MYOF: variants seen among roughly 807,000 people sequenced by gnomAD.
MYOF encodes the protein fer-1-like 3, myoferlin.
In MYOF, 244 loss-of-function variants were observed where a neutral mutation model predicts 284.2. That is an observed-to-expected ratio of 0.86 (90% confidence interval 0.77 to 0.95). The LOEUF (loss-of-function observed/expected upper bound fraction) is 0.95, where lower values mean the gene tolerates loss of function less well. Among genes scored for constraint, MYOF ranks in the 40% least tolerant of loss-of-function variants. MYOF has a pLI of 0.00. For synonymous variants in MYOF, 904 were observed against 919.7 expected (o/e 0.98, Z 0.31); for missense variants, 2,496 against 2,560.6 (o/e 0.97, Z 0.54).
At chr10:93,465,327 C>T (rs193090961) in intron 1 of MYOF, among the ~76,000 whole-genome samples, 9 of 152,236 alleles carry the variant, frequency 5.9e-5, no homozygotes, top group Admixed American at 3.9e-4. Flanking sequence ...CCCCCCACAA[C>T]GCTTACTACA....
At chr10:93,343,753 A>T (rs1844039566) in intron 38 of MYOF, 103 bp downstream of exon 38, 1 of 1,212,344 alleles carries the variant, frequency 8.2e-7, no homozygotes, top group Non-Finnish European at 1.2e-6. Flanking sequence ...GCTGATGATT[A>T]TAATTGCAAC....
intron 1 of MYOF, among the ~76,000 whole-genome samples, chr10:93,479,288 G>A (rs540745477): frequency 1.2e-4 from 18 of 152,046 alleles, no homozygotes; most frequent in Admixed American, 1.1e-3. Context: ...CTACAGGCAT[G>A]GTAGGGCTTT....
At chr10:93,435,989 T>C (rs1849102124) in intron 3 of MYOF, among the ~76,000 whole-genome samples, 1 of 151,756 alleles carries the variant, frequency 6.6e-6, no homozygotes, top group South Asian at 2.1e-4. Flanking sequence ...AAAAATCTCC[T>C]AGAACATGTT....
intron 27 of MYOF, 104 bp downstream of exon 27, chr10:93,363,857 G>C (rs1589446014): frequency 1.2e-6 from 1 of 829,334 alleles, no homozygotes; most frequent in East Asian, 2.6e-5. Flanking sequence ...ACATAAGATG[G>C]AGCGGAGGAG....
chr10:93,454,634 T>C (rs4919138), intron 2 of MYOF, among the ~76,000 whole-genome samples: 28,309 of 152,064 alleles, frequency 0.19, 3,101 homozygotes, highest in Middle Eastern at 0.28. Context: ...AAATTACAGA[T>C]AAGTGGAATT....
intron 2 of MYOF, among the ~76,000 whole-genome samples, chr10:93,456,546 T>C (rs1207309617): frequency 1.3e-5 from 2 of 152,158 alleles, no homozygotes; most frequent in African/African-American, 2.4e-5. Flanking sequence ...CTGGAGATGA[T>C]CTAATCCCAC....
At position 93,353,872 on chromosome 10, in the gene MYOF, A is replaced by T; in HGVS notation, c.3420T>A (p.His1140Gln). 1 of 1,609,928 alleles carries T rather than the reference A, an allele frequency of 6.2e-7. No individual in the cohort carries two copies. Among genetic ancestry groups the T allele is most frequent in the Non-Finnish European group, 8.5e-7 (1 of 1,177,166 alleles). The change falls in exon 32 of 54, where the codon CAT becomes CAA. Residue 1140 changes from histidine to glutamine, a missense_variant. Transcript: ENST00000359263. The part of the protein sequence containing the change: ...SCNFDRVYIY[H>Q]LRCYVYQARN... ...TGGCTTGATAGACATAGCAGCGCAG[A>T]TGGTAGATGTAGACTCCTAAAAAAA...
At chr10:93,311,113 C>T (rs943273580) in intron 51 of MYOF, among the ~76,000 whole-genome samples, 1 of 152,204 alleles carries the variant, frequency 6.6e-6, no homozygotes, top group Admixed American at 6.5e-5. Flanking sequence ...ACTCCATGTA[C>T]ACTAGCTCAA....
intron 19 of MYOF, among the ~76,000 whole-genome samples, chr10:93,382,396 C>T (rs965626656): frequency 1.3e-5 from 2 of 152,040 alleles, no homozygotes; most frequent in African/African-American, 4.8e-5. Flanking sequence ...CTGCACCCAG[C>T]TAAACTATTG....
intron 17 of MYOF, among the ~76,000 whole-genome samples, chr10:93,392,240 A>T (rs113712173): frequency 0.017 from 2,621 of 152,290 alleles, 86 homozygotes; most frequent in African/African-American, 0.059. Flanking sequence ...AAGCTTTCCC[A>T]CATGCAATAT....
chr10:93,392,922 T>C lies in MYOF; in HGVS notation c.1451A>G (p.Tyr484Cys). ...CAAAATTACGAAGCATAAACCTGTA[T>C]ATGATGCAGCCCCAGTTCCCGAAGA... ...FSSSGTGAASYTVNTGETEVG... is the reference protein window; with the variant it reads ...FSSSGTGAASCTVNTGETEVG... The change falls in exon 17 of 54, where the codon TAT (tyrosine) becomes TGT (cysteine). Residue 484 changes from tyrosine to cysteine, a missense_variant. Around this residue, in one of 3 missense-constraint regions of MYOF, gnomAD observed 2,436 missense variants for 2,480.7 expected, o/e 0.98. Transcript: ENST00000359263. The C allele has an allele frequency of 6.2e-7, 1 of 1,612,146 alleles. No homozygotes were observed. The highest frequency in any genetic ancestry group is 8.5e-7 in the Non-Finnish European group (1 of 1,178,304).
intron 10 of MYOF, 135 bp from the exon 11 acceptor site, chr10:93,402,482 CCACT>C (rs1179471364): frequency 2.4e-5 from 17 of 697,544 alleles, no homozygotes; most frequent in Non-Finnish European, 4.0e-5. Context: ...AGATGAGTGT[CCACT>C]TTCACGTCTT....
Position 93,355,732 on chromosome 10 carries a change from G to C in MYOF, c.3299C>G (p.Ala1100Gly). 1 of 1,611,362 alleles carries C rather than the reference G, an allele frequency of 6.2e-7. No homozygotes were observed. Among genetic ancestry groups the C allele is most frequent in the Non-Finnish European group, 8.5e-7 (1 of 1,178,192 alleles). Residue 1100 changes from alanine to glycine, a missense_variant, in exon 31 of 54, where the codon GCA becomes GGA. Around this residue, in one of 3 missense-constraint regions of MYOF, gnomAD observed 2,436 missense variants for 2,480.7 expected, o/e 0.98. Coordinates refer to ENST00000359263, the MANE Select transcript of MYOF (RefSeq NM_013451.4). The part of the protein sequence containing the change: ...AIFKLEGALG[A>G]DTTEDGDEKS... ...CTCATCCCCATCTTCGGTAGTGTCT[G>C]CCCCCTGAAGTCAATTAACAGAGTC...
At chr10:93,429,431 T>C (rs903527478) in intron 4 of MYOF, among the ~76,000 whole-genome samples, 1 of 152,182 alleles carries the variant, frequency 6.6e-6, no homozygotes, top group Non-Finnish European at 1.5e-5. Context: ...CTCCACTGAA[T>C]CACAACAGTT....
At chr10:93,356,482 G>A (rs747618235) in intron 30 of MYOF, among the ~76,000 whole-genome samples, 193 bp downstream of exon 30, 1 of 152,154 alleles carries the variant, frequency 6.6e-6, no homozygotes, top group Non-Finnish European at 1.5e-5. Context: ...GAACACTCCT[G>A]TGTTAATGGT....
chr10:93,381,449 T>C (rs893298764), intron 19 of MYOF, 53 bp from the exon 20 acceptor site: 3 of 1,572,912 alleles, frequency 1.9e-6, no homozygotes, highest in African/African-American at 1.4e-5. Flanking sequence ...TGTTCTTATT[T>C]ACATGTGGAT....
chr10:93,455,639 T>C (rs999061073), intron 2 of MYOF, among the ~76,000 whole-genome samples: 5 of 152,120 alleles, frequency 3.3e-5, no homozygotes, highest in African/African-American at 1.2e-4. Flanking sequence ...CACTCCAACC[T>C]GAGGGAGACC....
At chr10:93,319,710 G>A (rs1842770104) in intron 49 of MYOF, among the ~76,000 whole-genome samples, 162 bp downstream of exon 49, 1 of 152,038 alleles carries the variant, frequency 6.6e-6, no homozygotes, top group African/African-American at 2.4e-5. Flanking sequence ...TCCTAGCAGT[G>A]TGACCTTGGA....
Position 93,323,340 on chromosome 10 carries a change from C to T in MYOF, c.5290G>A (p.Val1764Met). The change falls in exon 47 of 54, where the codon GTG (valine) becomes ATG (methionine). Residue 1764 changes from valine to methionine, a missense_variant. Around this residue, in one of 3 missense-constraint regions of MYOF, gnomAD observed 2,436 missense variants for 2,480.7 expected, o/e 0.98. Transcript: ENST00000359263. Reference sequence around the variant, plus strand: ...CCCAAACTCTTGGGGAAAACATCCACCCACATCTGAAGTTTTCCCTAAACC... The same window carrying T: ...CCCAAACTCTTGGGGAAAACATCCATCCACATCTGAAGTTTTCCCTAAACC... The part of the protein sequence containing the change: ...NISQGKLQMW[V>M]DVFPKSLGPP... 6.2e-7 allele frequency: 1 copy of T among 1,612,962 alleles called. No individual in the cohort carries two copies. Among genetic ancestry groups the T allele is most frequent in the Non-Finnish European group, 8.5e-7 (1 of 1,179,060 alleles).
Sources: gnomAD v4.1 joint callset for allele counts (sites outside exome capture counted in the v4.1 genomes callset) on GRCh38, gnomAD v4.1.1 for gene constraint, gnomAD v4.1.1 regional missense constraint, MANE v1.5 for transcripts, NCBI Gene and HGNC (gene_info 2026-07-23, HGNC 2026-07-21) for gene names.